The following CDRT4 variants were observed in gnomAD, a reference collection of about 807,000 sequenced individuals.
CDRT4 encodes the protein CMT1A duplicated region transcript 4 protein.
For missense variants in CDRT4, 167 were observed against 193.1 expected, an observed-to-expected ratio of 0.87 and a Z score of 0.80; for synonymous variants, 64 against 69.6, an observed-to-expected ratio of 0.92 and a Z score of 0.40.
At chr17:15,459,078 A>G (rs1028133109) in intron 1 of CDRT4, among the ~76,000 whole-genome samples, 4 of 152,192 alleles carry the variant, frequency 2.6e-5, no homozygotes, top group African/African-American at 7.2e-5. Context: ...GAGGGCTCCT[A>G]TGCTCCTAGA....
intron 2 of CDRT4, among the ~76,000 whole-genome samples, chr17:15,452,067 A>G (rs1159841606): frequency 1.3e-5 from 2 of 152,202 alleles, no homozygotes; most frequent in Non-Finnish European, 2.9e-5. Flanking sequence ...GACACAAATG[A>G]AAAACACAGA....
intron 1 of CDRT4, among the ~76,000 whole-genome samples, chr17:15,466,445 G>A (rs1298529776): frequency 6.6e-6 from 1 of 152,206 alleles, no homozygotes. Context: ...CTACACCAAG[G>A]TGCATTCATG....
intron 2 of CDRT4, 33 bp from the exon 3 acceptor site, chr17:15,440,318 C>G: frequency 1.9e-6 from 3 of 1,602,996 alleles, no homozygotes; most frequent in Non-Finnish European, 2.5e-6. Context: ...GCCAGAGCCT[C>G]CTCAAACTGG....
At chr17:15,456,006 C>A (rs1260301715) in intron 1 of CDRT4, among the ~76,000 whole-genome samples, 3 of 152,130 alleles carry the variant, frequency 2.0e-5, no homozygotes, top group Non-Finnish European at 2.9e-5. Context: ...CAATAAAAAG[C>A]CCCTAGCAGA....
In CDRT4 at chr17:15,444,033, T is replaced by C. The variant is rs139275902; in HGVS notation, c.-47-3748A>G. 3.1e-3 allele frequency: 2,607 copies of C among 834,110 alleles called. 76 individuals are homozygous for C. In the Admixed American group the frequency reaches 0.042, roughly 13 times the overall value. The allele number at this position is 834,110 out of a possible 1,614,324, so 51.7% of individuals were successfully genotyped here. A position where few individuals can be genotyped will look rare whatever the true frequency, so the allele number is the denominator to read the frequency against. Reference sequence around the variant, plus strand: ...GAGACCAAGTGTTGCCTGTTCAGTATCTCAAACCCAGAAAGATGAAGGAAA... The same window carrying C: ...GAGACCAAGTGTTGCCTGTTCAGTACCTCAAACCCAGAAAGATGAAGGAAA... On this transcript the variant is annotated intron_variant, in intron 2 of 3. Transcript: ENST00000619038.
intron 1 of CDRT4, among the ~76,000 whole-genome samples, chr17:15,456,204 G>A (rs1329422527): frequency 1.3e-5 from 2 of 152,044 alleles, no homozygotes; most frequent in Non-Finnish European, 2.9e-5. Context: ...CAAAAATGAA[G>A]CTGCCCTTCC....
rs911655321 is a variant in CDRT4 at position 15,464,528 on chromosome 17, G to A, written c.-130+2932C>T. ...GCTGGGCATTAGCAATCTGAGAGCT[G>A]GGTAACAAGTCCTGGGGTGGGGTTT... On this transcript the variant is annotated intron_variant, in intron 1 of 3. Coordinates refer to ENST00000619038, the MANE Select transcript of CDRT4 (RefSeq NM_001204477.2). This position sits in a 1 kb window ranked among gnomAD's most constrained non-coding sequence, Gnocchi z 4.5. Among the ~76,000 whole-genome samples the A allele has an allele frequency of 1.2e-4, 18 of 152,084 alleles. No individual in the cohort carries two copies. Among genetic ancestry groups the A allele is most frequent in the Non-Finnish European group, 2.4e-4 (16 of 68,020 alleles).
At chr17:15,446,329 T>C (rs1242904147) in intron 2 of CDRT4, among the ~76,000 whole-genome samples, 4 of 152,014 alleles carry the variant, frequency 2.6e-5, no homozygotes, top group African/African-American at 7.2e-5. Context: ...ACTGTCACCA[T>C]TGCCCCACCT....
intron 1 of CDRT4, among the ~76,000 whole-genome samples, chr17:15,456,761 C>A (rs898550263): frequency 3.3e-5 from 5 of 152,118 alleles, no homozygotes; most frequent in African/African-American, 1.2e-4. Flanking sequence ...CTCTGTGGAG[C>A]CCTGGTCATC....
chr17:15,449,674 T>C (rs1364060224), intron 2 of CDRT4, among the ~76,000 whole-genome samples: 12 of 152,234 alleles, frequency 7.9e-5, no homozygotes, highest in Non-Finnish European at 1.6e-4. Flanking sequence ...TTGAACTTTG[T>C]ACCCAACAGG....
rs116509866 is a variant in CDRT4, at chr17:15,454,670, G to A, written c.-129-1585C>T. Among the ~76,000 whole-genome samples the A allele has an allele frequency of 6.3e-3, 955 of 152,228 alleles. 11 individuals carry two copies. Among genetic ancestry groups the A allele is most frequent in the African/African-American group, 0.022 (908 of 41,538 alleles). Reference sequence around the variant, plus strand: ...GAGCAAAACTGAGCCAAGAAGTCTCGCCAGATTCCTACTGGAAGTAATCTG... The same window carrying A: ...GAGCAAAACTGAGCCAAGAAGTCTCACCAGATTCCTACTGGAAGTAATCTG... On this transcript the variant is annotated intron_variant, in intron 1 of 3. Transcript: ENST00000619038.
intron 2 of CDRT4, among the ~76,000 whole-genome samples, chr17:15,444,724 G>C (rs961067430): frequency 1.3e-5 from 2 of 150,818 alleles, no homozygotes; most frequent in African/African-American, 4.9e-5. Context: ...CAGAGAGAGA[G>C]AGAGAGAGAG....
chr17:15,465,225 CACAG>C lies in CDRT4; in HGVS notation c.-130+2231_-130+2234del, dbSNP rs1486329598. Among the ~76,000 whole-genome samples, 8 of 130,276 alleles carry C rather than the reference CACAG, an allele frequency of 6.1e-5. No homozygotes were observed. In the East Asian group the frequency reaches 1.0e-3, roughly 17 times the overall value. The allele number at this position is 130,276 out of a possible 152,430, so 85.5% of individuals were successfully genotyped here. On this transcript the variant is annotated intron_variant, in intron 1 of 3. Transcript: ENST00000619038. ...ACACACCAACAGACACACACCAACA[CACAG>C]ACACACACAACAGACACACACCAAC...
chr17:15,437,607 G>T lies in CDRT4; in HGVS notation c.*166C>A. 1 of 698,476 alleles carries T rather than the reference G, an allele frequency of 1.4e-6. No homozygotes were observed. Among genetic ancestry groups the T allele is most frequent in the Non-Finnish European group, 2.4e-6 (1 of 424,856 alleles). 43.3% of individuals were successfully genotyped at this position (698,476 alleles called of 1,614,324 possible). A position where few individuals can be genotyped will look rare whatever the true frequency, so the allele number is the denominator to read the frequency against. On this transcript the variant is annotated 3_prime_UTR_variant, in exon 4 of 4. Coordinates refer to ENST00000619038, the MANE Select transcript of CDRT4 (RefSeq NM_001204477.2). ...ACACTCACCCACCCACCTACAGCTT[G>T]CATTCTGATCTGGTTTCTCTTAGCC...
At chr17:15,439,494 C>T (rs1274168992) in intron 3 of CDRT4, among the ~76,000 whole-genome samples, 1 of 152,208 alleles carries the variant, frequency 6.6e-6, no homozygotes, top group African/African-American at 2.4e-5. Flanking sequence ...AGACTGTTCA[C>T]CCTTGCCTCC....
chr17:15,455,841 G>A (rs904990859), intron 1 of CDRT4, among the ~76,000 whole-genome samples: 4 of 152,168 alleles, frequency 2.6e-5, no homozygotes, highest in African/African-American at 9.7e-5. Context: ...CCACATCCTT[G>A]GCCAAAATCA....
At position 15,436,391 on chromosome 17, in the gene CDRT4, C is replaced by CACATACAGAA. The variant is rs1281915881; in HGVS notation, c.*1372_*1381dup. On this transcript the variant is annotated 3_prime_UTR_variant, in exon 4 of 4. Coordinates refer to ENST00000619038, the MANE Select transcript of CDRT4 (RefSeq NM_001204477.2). The stretch of plus-strand genomic sequence containing the variant: ...ATTAGTATTAACTGTCTTGCAAATA[C>CACATACAGAA]ACATACAGAAACTCAGGTAAGGTCA... The CACATACAGAA allele has an allele frequency of 3.3e-5, 5 of 152,264 alleles. No homozygotes were observed. The highest frequency in any genetic ancestry group is 5.9e-5 in the Non-Finnish European group (4 of 68,068). The allele number at this position is 152,264 out of a possible 1,614,324, so 9.4% of individuals were successfully genotyped here.
At chr17:15,465,042 C>T (rs1597472757) in intron 1 of CDRT4, among the ~76,000 whole-genome samples, 1 of 142,754 alleles carries the variant, frequency 7.0e-6, no homozygotes, top group African/African-American at 2.6e-5. Context: ...CACAGACACA[C>T]ATAACACAGA....
Position 15,437,558 on chromosome 17 carries a change from C to T in CDRT4, c.*215G>A, listed in dbSNP as rs1978546865. On this transcript the variant is annotated 3_prime_UTR_variant, in exon 4 of 4. Coordinates refer to ENST00000619038, the MANE Select transcript of CDRT4 (RefSeq NM_001204477.2). ...TAGAGCCAGGGACTGCCCAAACCCA[C>T]CAGAGAGCAGTGTGGGAGGGGACAC... is the stretch of plus-strand genomic sequence containing the variant. The T allele has an allele frequency of 6.7e-6, 4 of 593,756 alleles. No individual in the cohort carries two copies. The South Asian group carries it at 8.5e-5, about 13-fold the overall frequency. 36.8% of individuals were successfully genotyped at this position (593,756 alleles called of 1,614,324 possible).
Sources: gnomAD v4.1 joint callset for allele counts (sites outside exome capture counted in the v4.1 genomes callset) on GRCh38, gnomAD v4.1.1 for gene constraint, Gnocchi (gnomAD v3.1) non-coding constraint, MANE v1.5 for transcripts, NCBI Gene and HGNC (gene_info 2026-07-23, HGNC 2026-07-21) for gene names.